COG6: variants seen among roughly 807,000 people sequenced by gnomAD.
COG6 encodes conserved oligomeric Golgi complex subunit 6.
A neutral mutation model predicts 88.8 loss-of-function variants in COG6; 74 were observed. That is an observed-to-expected ratio of 0.83 (90% CI 0.69 to 1.01). The LOEUF (loss-of-function observed/expected upper bound fraction) is 1.01, where lower values mean the gene tolerates loss of function less well. Among genes scored for constraint, COG6 ranks in the 50% least tolerant of loss-of-function variants. The pLI is 0.00. For missense variants in COG6, 800 were observed against 797.9 expected, an observed-to-expected ratio of 1.00 and a Z score of -0.03; for synonymous variants, 286 against 278.7, an observed-to-expected ratio of 1.03 and a Z score of -0.26.
chr13:39,745,256 T>A (rs1424517624), intron 18 of COG6, among the ~76,000 whole-genome samples: 3 of 152,070 alleles, frequency 2.0e-5, no homozygotes, highest in African/African-American at 7.2e-5. Flanking sequence ...CTAATTAAAC[T>A]AAAGAGCTTC....
At chr13:39,707,650 A>G (rs1266616468) in intron 13 of COG6, among the ~76,000 whole-genome samples, 1 of 152,146 alleles carries the variant, frequency 6.6e-6, no homozygotes, top group Non-Finnish European at 1.5e-5. Context: ...CTTCATGTAA[A>G]TAGATTCATA....
intron 7 of COG6, among the ~76,000 whole-genome samples, chr13:39,681,275 T>G (rs992859656): frequency 6.6e-6 from 1 of 152,224 alleles, no homozygotes; most frequent in African/African-American, 2.4e-5. Context: ...CTAAAACCTG[T>G]TTGTTTTTCT....
chr13:39,785,059 G>A (rs1224706812), intron 18 of COG6, among the ~76,000 whole-genome samples: 1 of 152,196 alleles, frequency 6.6e-6, no homozygotes, highest in African/African-American at 2.4e-5. Context: ...ATATGCTTCA[G>A]CCTTGTGGCT....
intron 8 of COG6, among the ~76,000 whole-genome samples, 184 bp from the exon 9 acceptor site, chr13:39,687,319 T>C (rs1876706050): frequency 6.6e-6 from 1 of 152,128 alleles, no homozygotes; most frequent in Non-Finnish European, 1.5e-5. Context: ...GATTGAATTT[T>C]CAATGAGCTG....
chr13:39,678,657 C>A (rs1876118870), intron 5 of COG6, among the ~76,000 whole-genome samples: 1 of 151,790 alleles, frequency 6.6e-6, no homozygotes, highest in South Asian at 2.1e-4. Context: ...TTAAGCCTAT[C>A]GTCATCATTG....
exon 19 of COG6, chr13:39,788,596 T>C (rs1446745569): frequency 1.9e-6 from 1 of 527,068 alleles, no homozygotes. Context: ...ACACACAGCA[T>C]GTAGAGTTGC....
chr13:39,675,167 A>T (rs1875893944), intron 4 of COG6, among the ~76,000 whole-genome samples: 1 of 152,110 alleles, frequency 6.6e-6, no homozygotes, highest in Non-Finnish European at 1.5e-5. Context: ...TTTATATGTT[A>T]TGTTAATATT....
rs1427383965 is a variant in COG6, at chr13:39,751,843, T to C, written c.*750T>C. On this transcript the variant is annotated 3_prime_UTR_variant, in exon 19 of 19. Coordinates refer to ENST00000455146, the MANE Select transcript of COG6 (RefSeq NM_020751.3). ...GGAGCTCAGCCTTTCCAATGAGCTC[T>C]AAGCATGTAGATAGCCTGAGCTGTG... 1 of 1,287,162 alleles carries C rather than the reference T, an allele frequency of 7.8e-7. No homozygotes were observed. Among genetic ancestry groups the C allele is most frequent in the Admixed American group, 2.3e-5 (1 of 43,540 alleles). 79.7% of individuals were successfully genotyped at this position (1,287,162 alleles called of 1,614,324 possible). A position where few individuals can be genotyped will look rare whatever the true frequency, so the allele number is the denominator to read the frequency against.
chr13:39,780,468 A>G (rs771739775), intron 18 of COG6, among the ~76,000 whole-genome samples: 1 of 152,166 alleles, frequency 6.6e-6, no homozygotes, highest in African/African-American at 2.4e-5. Context: ...TAATTTATTA[A>G]TTTATTAATA....
At chr13:39,681,162 A>G (rs1455579144) in intron 7 of COG6, among the ~76,000 whole-genome samples, 1 of 152,232 alleles carries the variant, frequency 6.6e-6, no homozygotes, top group African/African-American at 2.4e-5. Flanking sequence ...GGTGTTACCA[A>G]CTGACTGTTG....
intron 12 of COG6, among the ~76,000 whole-genome samples, chr13:39,698,989 T>G (rs950348776): frequency 6.6e-6 from 1 of 151,894 alleles, no homozygotes; most frequent in Non-Finnish European, 1.5e-5. Context: ...TTTCAATTAG[T>G]CTAAATATAC....
intron 11 of COG6, 103 bp downstream of exon 11, chr13:39,689,927 A>C (rs1876886491): frequency 4.1e-6 from 3 of 723,262 alleles, no homozygotes; most frequent in Non-Finnish European, 7.2e-6. Flanking sequence ...ACAATCTATA[A>C]TTTTTTCAAA....
rs371778696 is a variant in COG6, at chr13:39,671,376, T to C, written c.429-6092T>C. Among the ~76,000 whole-genome samples, 120 of 152,008 alleles carry C rather than the reference T, an allele frequency of 7.9e-4. 1 individual carries two copies. The Middle Eastern group carries it at 0.024, about 30-fold the overall frequency. On this transcript the variant is annotated intron_variant, in intron 4 of 18. Coordinates refer to ENST00000455146, the MANE Select transcript of COG6 (RefSeq NM_020751.3). ...GAGCTTTTTTTTGCGTAACATTTTTTCCCCACCAATACAAAAGAGCTTTTT... is the reference window on the plus strand; with the variant it reads ...GAGCTTTTTTTTGCGTAACATTTTTCCCCCACCAATACAAAAGAGCTTTTT...
chr13:39,728,694 G>A (rs1186569211), intron 18 of COG6, among the ~76,000 whole-genome samples: 4 of 151,214 alleles, frequency 2.6e-5, no homozygotes, highest in African/African-American at 9.7e-5. Flanking sequence ...TTTTGAGACG[G>A]CGTCTTGCTC....
At chr13:39,685,958 C>T (rs1251673786) in intron 8 of COG6, among the ~76,000 whole-genome samples, 5 of 152,084 alleles carry the variant, frequency 3.3e-5, no homozygotes, top group Non-Finnish European at 5.9e-5. Context: ...TAATAGTAAA[C>T]AGTCCTCAAA....
At chr13:39,681,091 G>C (rs1876287807) in intron 7 of COG6, among the ~76,000 whole-genome samples, 1 of 152,180 alleles carries the variant, frequency 6.6e-6, no homozygotes, top group Admixed American at 6.6e-5. Flanking sequence ...AGAATAGCCT[G>C]TTAAAACCAG....
chr13:39,757,937 C>T (rs539796575), intron 18 of COG6, among the ~76,000 whole-genome samples: 6 of 152,104 alleles, frequency 3.9e-5, no homozygotes, highest in Non-Finnish European at 5.9e-5. Flanking sequence ...AAAAGACAAC[C>T]GAGGGCTGGC....
intron 13 of COG6, among the ~76,000 whole-genome samples, chr13:39,714,663 T>C (rs1053797850): frequency 6.6e-6 from 1 of 152,080 alleles, no homozygotes; most frequent in African/African-American, 2.4e-5. Flanking sequence ...GCTTATATAC[T>C]GCTGGTGGGA....
In COG6 at chr13:39,742,850, C is replaced by T. The variant is rs1303610483; in HGVS notation, c.1827-8096C>T. 2.3e-4 allele frequency among the ~76,000 whole-genome samples: 35 copies of T among 152,036 alleles called. No individual in the cohort carries two copies. The South Asian group carries it at 6.9e-3, about 30-fold the overall frequency. ...TTATTCCAAAATTGACCACATAGTT[C>T]GAAGTAAAGCACTCCTCAGCAAATA... On this transcript the variant is annotated intron_variant, in intron 18 of 18. Coordinates refer to ENST00000455146, the MANE Select transcript of COG6 (RefSeq NM_020751.3).
Sources: gnomAD v4.1 joint callset for allele counts (sites outside exome capture counted in the v4.1 genomes callset) on GRCh38, gnomAD v4.1.1 for gene constraint, MANE v1.5 for transcripts, NCBI Gene and HGNC (gene_info 2026-07-23, HGNC 2026-07-21) for gene names.